The following VPS13B variants were observed in gnomAD, a reference collection of about 807,000 sequenced individuals.
VPS13B encodes intermembrane lipid transfer protein VPS13B.
VPS13B carries 285 observed loss-of-function variants against 426.4 expected under a neutral mutation model. The ratio of observed to expected loss-of-function variants is 0.67; its 90% CI spans 0.61 to 0.74. The LOEUF (loss-of-function observed/expected upper bound fraction) is 0.74. VPS13B is among the 30% of genes least tolerant of loss of function. The pLI is 0.00. For missense variants in VPS13B, 4,537 were observed against 4,782.6 expected, an observed-to-expected ratio of 0.95 and a Z score of 1.51; for synonymous variants, 1,676 against 1,676.4, an observed-to-expected ratio of 1.00 and a Z score of 0.01.
In VPS13B at chr8:99,835,696, T is replaced by C; in HGVS notation, c.9900T>C (p.Thr3300=). Residue 3300 remains threonine (T), a synonymous_variant, in exon 54 of 62, where the codon ACT becomes ACC. Coordinates refer to ENST00000357162, the MANE Select transcript of VPS13B (RefSeq NM_152564.5). ...TTGAACCTCTAGATGAAGTAACAAC[T>C]GAGTGGAGTGATGCCATTGACATCA... The part of the protein sequence containing the change: ...LRVEPLDEVT[T]EWSDAIDINS... The C allele has an allele frequency of 1.2e-6, 2 of 1,614,154 alleles. No homozygotes were observed. Among genetic ancestry groups the C allele is most frequent in the Non-Finnish European group, 1.7e-6 (2 of 1,180,016 alleles).
intron 43 of VPS13B, among the ~76,000 whole-genome samples, chr8:99,805,490 A>G (rs543453680): frequency 2.0e-5 from 3 of 152,160 alleles, no homozygotes; most frequent in Admixed American, 2.0e-4. Flanking sequence ...TCTTAAATAT[A>G]TCAATTCAGG....
chr8:99,493,780 T>TAAAAAAAAAAAAAAAAAAAA (rs376555643), intron 25 of VPS13B, among the ~76,000 whole-genome samples: 2 of 61,128 alleles, frequency 3.3e-5, no homozygotes, highest in Non-Finnish European at 6.5e-5. Context: ...AGACTCTATC[T>TAAAAAAAAAAAAAAAAAAAA]AAAAAAAAAA....
At chr8:99,088,183 C>CCA (rs1554607024) in intron 3 of VPS13B, among the ~76,000 whole-genome samples, 2 of 64,846 alleles carry the variant, frequency 3.1e-5, no homozygotes, top group Non-Finnish European at 5.9e-5. Flanking sequence ...GACCCTGTCT[C>CCA]AAAAAAAAAA....
chr8:99,546,556 C>T (rs1017615392), intron 30 of VPS13B, among the ~76,000 whole-genome samples: 4 of 151,932 alleles, frequency 2.6e-5, no homozygotes, highest in Non-Finnish European at 4.4e-5. Context: ...ATGAAGTCTA[C>T]CTATAGCACC....
intron 14 of VPS13B, among the ~76,000 whole-genome samples, chr8:99,149,185 T>C (rs1228660239): frequency 6.6e-6 from 1 of 152,286 alleles, no homozygotes; most frequent in Admixed American, 6.5e-5. Flanking sequence ...AAATAATGCA[T>C]GTAAACTATT....
chr8:99,292,789 G>A (rs1819807306), intron 19 of VPS13B, among the ~76,000 whole-genome samples: 1 of 152,012 alleles, frequency 6.6e-6, no homozygotes, highest in East Asian at 1.9e-4. Flanking sequence ...AATTTTATAT[G>A]TTATATCTAT....
At chr8:99,435,099 T>G (rs992117978) in intron 22 of VPS13B, among the ~76,000 whole-genome samples, 4 of 152,212 alleles carry the variant, frequency 2.6e-5, no homozygotes, top group African/African-American at 9.6e-5. Flanking sequence ...AGAGGAATGT[T>G]ACTTATTGAA....
In VPS13B at chr8:99,642,281, T is replaced by A; in HGVS notation, c.5691T>A (p.His1897Gln). 6.2e-7 allele frequency: 1 copy of A among 1,614,188 alleles called. No individual in the cohort carries two copies. Among genetic ancestry groups the A allele is most frequent in the Non-Finnish European group, 8.5e-7 (1 of 1,180,010 alleles). ...KIGVLSLESL[H>Q]ASTRSSARQA... ...GGGTCCTCTCTCTTGAAAGTCTTCATGCATCCACAAGGTCATCTGCTAGAC... is the reference window on the plus strand; with the variant it reads ...GGGTCCTCTCTCTTGAAAGTCTTCAAGCATCCACAAGGTCATCTGCTAGAC... The change falls in exon 34 of 62, where the codon CAT becomes CAA. Residue 1897 changes from histidine (H) to glutamine (Q), a missense_variant. By Grantham distance (24) the His-to-Gln change is conservative (BLOSUM62 0). This residue lies in a region of VPS13B where 4,311 missense variants were observed against 4,474.3 expected (regional missense o/e 0.96). Coordinates refer to ENST00000357162, the MANE Select transcript of VPS13B (RefSeq NM_152564.5).
intron 39 of VPS13B, among the ~76,000 whole-genome samples, chr8:99,722,938 AAC>A (rs1257345430): frequency 6.6e-6 from 1 of 152,254 alleles, no homozygotes; most frequent in Non-Finnish European, 1.5e-5. Context: ...GCTAGATATT[AAC>A]ACATTTATTA....
intron 21 of VPS13B, among the ~76,000 whole-genome samples, chr8:99,429,410 A>G (rs1270804384): frequency 6.7e-6 from 1 of 149,960 alleles, no homozygotes; most frequent in East Asian, 1.9e-4. Flanking sequence ...CTAGCCAAAT[A>G]ACTTTTTTTC....
At chr8:99,627,786 A>G (rs1236938101) in intron 33 of VPS13B, among the ~76,000 whole-genome samples, 2 of 152,262 alleles carry the variant, frequency 1.3e-5, no homozygotes, top group African/African-American at 4.8e-5. Context: ...TTTAAAAATT[A>G]CATCAAGGGG....
chr8:99,674,895 TTTGTATA>T (rs1304146411), intron 35 of VPS13B, among the ~76,000 whole-genome samples: 9 of 152,138 alleles, frequency 5.9e-5, no homozygotes, highest in South Asian at 2.1e-4. Flanking sequence ...AATTTACATA[TTTGTATA>T]TTGTATATTC....
chr8:99,680,285 C>T (rs1335772942), intron 35 of VPS13B, among the ~76,000 whole-genome samples: 4 of 152,094 alleles, frequency 2.6e-5, no homozygotes. Context: ...TGGAACAGTT[C>T]TCAGGAAACT....
At chr8:99,455,435 T>G (rs1276037613) in intron 23 of VPS13B, among the ~76,000 whole-genome samples, 1 of 152,062 alleles carries the variant, frequency 6.6e-6, no homozygotes, top group Non-Finnish European at 1.5e-5. Context: ...GAGCCAGCAC[T>G]TCACATGGCT....
chr8:99,337,744 T>C (rs1811003121), intron 19 of VPS13B, among the ~76,000 whole-genome samples: 1 of 152,144 alleles, frequency 6.6e-6, no homozygotes, highest in Non-Finnish European at 1.5e-5. Context: ...ATTTATCAAT[T>C]TTTTAGTGAT....
rs909495942 is a variant in VPS13B at position 99,876,653 on chromosome 8, CTGA to C, written c.*989_*991del. 4 of 152,170 alleles carry C rather than the reference CTGA, an allele frequency of 2.6e-5. No homozygotes were observed. Among genetic ancestry groups the C allele is most frequent in the Non-Finnish European group, 2.9e-5 (2 of 68,032 alleles). 9.4% of individuals were successfully genotyped at this position (152,170 alleles called of 1,614,324 possible). On this transcript the variant is annotated 3_prime_UTR_variant, in exon 62 of 62. Coordinates refer to ENST00000357162, the MANE Select transcript of VPS13B (RefSeq NM_152564.5). ...GCATGAAGATATTCCCAGTGTCTGT[CTGA>C]TAATATTTTGCATCTAAGAATGGGT...
intron 3 of VPS13B, among the ~76,000 whole-genome samples, chr8:99,082,866 C>T (rs1563528142): frequency 6.6e-6 from 1 of 152,106 alleles, no homozygotes; most frequent in Non-Finnish European, 1.5e-5. Context: ...TTACTGTAGC[C>T]TTGTAGTATA....
chr8:99,454,996 G>T (rs1402251117), intron 23 of VPS13B, among the ~76,000 whole-genome samples: 1 of 152,052 alleles, frequency 6.6e-6, no homozygotes, highest in Non-Finnish European at 1.5e-5. Context: ...AGTTTTCTTT[G>T]TATATTTTGG....
chr8:99,222,071 C>A (rs1276020286), intron 17 of VPS13B, among the ~76,000 whole-genome samples: 1 of 152,132 alleles, frequency 6.6e-6, no homozygotes, highest in South Asian at 2.1e-4. Context: ...CAGACTCACC[C>A]CTCAAATAAT....
Sources: allele counts gnomAD v4.1 joint callset (sites outside exome capture counted in the v4.1 genomes callset), GRCh38; gene constraint gnomAD v4.1.1; regional missense constraint gnomAD v4.1.1; transcripts MANE v1.5; gene names NCBI Gene and HGNC (gene_info 2026-07-23, HGNC 2026-07-21).